The following SUPT3H variants were observed in gnomAD, a reference collection of about 807,000 sequenced individuals.
SUPT3H encodes transcription initiation protein SPT3 homolog.
A neutral mutation model predicts 44.3 loss-of-function variants in SUPT3H; 44 were observed. That is an observed-to-expected ratio of 0.99 (90% CI 0.78 to 1.28). SUPT3H has a LOEUF of 1.28. SUPT3H is among the 50% of genes most tolerant of loss of function. The pLI, the probability that SUPT3H is intolerant of heterozygous loss-of-function variation, is 0.00. For synonymous variants in SUPT3H, 124 were observed against 125.6 expected, an observed-to-expected ratio of 0.99 and a Z score of 0.09; for missense variants, 380 against 387.1, an observed-to-expected ratio of 0.98 and a Z score of 0.15.
chr6:45,043,155 ACACACACACACACACG>A (rs1449242227), intron 3 of SUPT3H, among the ~76,000 whole-genome samples: 1 of 151,390 alleles, frequency 6.6e-6, no homozygotes, highest in East Asian at 1.9e-4. Context: ...ACACACACAC[ACACACACACACACACG>A]CACACACACA....
chr6:45,147,047 C>T (rs1583829845), intron 2 of SUPT3H, among the ~76,000 whole-genome samples: 1 of 152,068 alleles, frequency 6.6e-6, no homozygotes, highest in African/African-American at 2.4e-5. Context: ...TTTATTTACT[C>T]ATTATAATAA....
At chr6:44,969,837 AAT>A (rs1299756276) in intron 6 of SUPT3H, among the ~76,000 whole-genome samples, 2 of 152,216 alleles carry the variant, frequency 1.3e-5, no homozygotes, top group African/African-American at 2.4e-5. Context: ...TGGCATTCAT[AAT>A]ATACCAATTT....
chr6:44,975,446 T>A (rs9472411), intron 6 of SUPT3H, among the ~76,000 whole-genome samples: 1 of 151,970 alleles, frequency 6.6e-6, no homozygotes, highest in African/African-American at 2.4e-5. Flanking sequence ...TGGATGGAGT[T>A]GGAGATCATT....
chr6:45,115,492 G>C (rs911654147), intron 2 of SUPT3H, among the ~76,000 whole-genome samples: 1 of 152,014 alleles, frequency 6.6e-6, no homozygotes, highest in Non-Finnish European at 1.5e-5. Context: ...CTGAAGAAAA[G>C]AAACTCTTGA....
At chr6:44,817,161 G>C (rs1009850938) in intron 11 of SUPT3H, among the ~76,000 whole-genome samples, 2 of 149,600 alleles carry the variant, frequency 1.3e-5, no homozygotes, top group Non-Finnish European at 3.0e-5. Context: ...CATCATGACC[G>C]AATTGCATTT....
intron 2 of SUPT3H, among the ~76,000 whole-genome samples, chr6:45,254,828 T>C (rs913407765): frequency 6.6e-6 from 1 of 152,042 alleles, no homozygotes; most frequent in Admixed American, 6.6e-5. Flanking sequence ...AATAAACAAT[T>C]CATAAGTTTT....
intron 10 of SUPT3H, among the ~76,000 whole-genome samples, chr6:44,885,564 T>C (rs985569539): frequency 6.6e-6 from 1 of 152,134 alleles, no homozygotes. Context: ...TCCTGTCTGT[T>C]AGAAGGAAAA....
At chr6:45,328,798 T>A in intron 2 of SUPT3H, 3 of 1,611,260 alleles carry the variant, frequency 1.9e-6, no homozygotes. Context: ...AGTGTTACCA[T>A]TTTTAAAATC....
intron 9 of SUPT3H, among the ~76,000 whole-genome samples, chr6:44,936,729 G>A (rs1373665900): frequency 2.0e-5 from 3 of 152,092 alleles, no homozygotes; most frequent in Non-Finnish European, 4.4e-5. Flanking sequence ...GTACAGTGGT[G>A]CGATCTTGAC....
At chr6:45,236,569 G>A (rs539680968) in intron 2 of SUPT3H, among the ~76,000 whole-genome samples, 1 of 151,998 alleles carries the variant, frequency 6.6e-6, no homozygotes, top group African/African-American at 2.4e-5. Context: ...GAAAAAGAGT[G>A]GCCTAACCCT....
intron 2 of SUPT3H, among the ~76,000 whole-genome samples, chr6:45,166,881 T>C (rs542828130): frequency 3.9e-5 from 6 of 152,262 alleles, no homozygotes; most frequent in African/African-American, 1.4e-4. Context: ...AGAGCAAGTG[T>C]TGACGAAGAT....
intron 2 of SUPT3H, among the ~76,000 whole-genome samples, chr6:45,289,747 A>G (rs527539367): frequency 4.6e-4 from 70 of 152,338 alleles, no homozygotes; most frequent in Non-Finnish European, 8.2e-4. Context: ...GTCATATGCT[A>G]TAAGTTTCAC....
At chr6:45,357,169 G>T (rs1327943581) in intron 2 of SUPT3H, among the ~76,000 whole-genome samples, 1 of 151,820 alleles carries the variant, frequency 6.6e-6, no homozygotes, top group Non-Finnish European at 1.5e-5. Flanking sequence ...ACCAAGCCTG[G>T]CTAATTTTTT....
intron 10 of SUPT3H, among the ~76,000 whole-genome samples, chr6:44,881,586 T>C (rs1438861463): frequency 6.6e-6 from 1 of 152,188 alleles, no homozygotes; most frequent in African/African-American, 2.4e-5. Flanking sequence ...AGAATATACA[T>C]TCTTCTCAGC....
chr6:45,115,936 T>C (rs1252355007), intron 2 of SUPT3H, among the ~76,000 whole-genome samples: 1 of 152,120 alleles, frequency 6.6e-6, no homozygotes, highest in African/African-American at 2.4e-5. Context: ...AAACACACCC[T>C]TGAGTGCCAA....
At chr6:44,915,380 G>A (rs780253753) in intron 10 of SUPT3H, among the ~76,000 whole-genome samples, 3 of 152,022 alleles carry the variant, frequency 2.0e-5, no homozygotes, top group East Asian at 1.9e-4. Flanking sequence ...AATAATTTAC[G>A]GTTCTGCTGA....
chr6:45,367,237 C>T (rs531384279), intron 1 of SUPT3H, among the ~76,000 whole-genome samples: 4 of 152,206 alleles, frequency 2.6e-5, no homozygotes, highest in African/African-American at 9.6e-5. Context: ...AACCACTATA[C>T]CAAGAAGGCA....
chr6:44,875,187 T>C, intron 10 of SUPT3H, among the ~76,000 whole-genome samples: 5 of 27,904 alleles, frequency 1.8e-4, no homozygotes, highest in Non-Finnish European at 3.4e-4. Context: ...AGAGCCCGCA[T>C]CGCCAAGTCA....
chr6:45,003,813 G>GA, intron 5 of SUPT3H, 21 bp from the exon 6 acceptor site: 3 of 1,607,946 alleles, frequency 1.9e-6, no homozygotes, highest in Non-Finnish European at 2.5e-6. Flanking sequence ...TCAAGGGAAA[G>GA]AAAAAAAGAA....
Sources: allele counts gnomAD v4.1 joint callset (sites outside exome capture counted in the v4.1 genomes callset), GRCh38; gene constraint gnomAD v4.1.1; transcripts MANE v1.5; gene names NCBI Gene and HGNC (gene_info 2026-07-23, HGNC 2026-07-21).